IMMP2L: variants seen among roughly 807,000 people sequenced by gnomAD.
The protein encoded by IMMP2L is mitochondrial inner membrane protease subunit 2.
In IMMP2L, 18 loss-of-function variants were observed where a neutral mutation model predicts 19.3. The observed-to-expected ratio is 0.93, with a 90% CI of 0.64 to 1.38. The LOEUF (loss-of-function observed/expected upper bound fraction) is 1.38, where lower values mean the gene tolerates loss of function less well. IMMP2L is among the 40% of genes most tolerant of loss of function. The pLI is 0.00. For missense variants in IMMP2L, 233 were observed against 218.2 expected (o/e 1.07, Z -0.43); for synonymous variants, 76 against 73.0 (o/e 1.04, Z -0.21).
intron 3 of IMMP2L, among the ~76,000 whole-genome samples, chr7:111,186,853 C>A (rs931832922): frequency 1.3e-5 from 2 of 151,956 alleles, no homozygotes; most frequent in Non-Finnish European, 2.9e-5. Flanking sequence ...CAGGATGAGA[C>A]AAAGGCAACA....
intron 3 of IMMP2L, among the ~76,000 whole-genome samples, chr7:111,340,098 A>G (rs1374732139): frequency 3.3e-5 from 5 of 151,640 alleles, no homozygotes; most frequent in Non-Finnish European, 7.4e-5. Context: ...GAAAAAATAG[A>G]AAAAAAAAGT....
chr7:111,214,227 G>A (rs1002274373), intron 3 of IMMP2L, among the ~76,000 whole-genome samples: 4 of 149,058 alleles, frequency 2.7e-5, no homozygotes, highest in Non-Finnish European at 5.9e-5. Context: ...TAAAATTAGA[G>A]AAATAAAATC....
intron 3 of IMMP2L, among the ~76,000 whole-genome samples, chr7:111,432,697 T>C (rs148088941): frequency 3.3e-5 from 5 of 151,636 alleles, no homozygotes; most frequent in African/African-American, 4.9e-5. Context: ...CTCAATATCA[T>C]ACTGGAAGTT....
chr7:111,149,683 G>A (rs2129602057), intron 3 of IMMP2L, among the ~76,000 whole-genome samples: 1 of 152,194 alleles, frequency 6.6e-6, no homozygotes, highest in South Asian at 2.1e-4. Flanking sequence ...TCCACGTACA[G>A]ACGGACCCCA....
intron 5 of IMMP2L, among the ~76,000 whole-genome samples, chr7:110,767,288 AGAGATT>A (rs1465044483): frequency 6.6e-6 from 1 of 152,206 alleles, no homozygotes; most frequent in East Asian, 1.9e-4. Flanking sequence ...AGAACCAGAA[AGAGATT>A]TCATGCATGG....
intron 3 of IMMP2L, among the ~76,000 whole-genome samples, chr7:111,271,151 T>C (rs37739): frequency 0.21 from 32,598 of 151,708 alleles, 4,591 homozygotes; most frequent in African/African-American, 0.4. Context: ...TTATAAGGGG[T>C]TTTTCCCCCT....
chr7:111,371,543 T>C (rs939226080), intron 3 of IMMP2L, among the ~76,000 whole-genome samples: 10 of 152,004 alleles, frequency 6.6e-5, no homozygotes, highest in African/African-American at 2.2e-4. Flanking sequence ...GACTATAGCA[T>C]AGGAGTACCA....
At chr7:111,293,816 T>C (rs1385654634) in intron 3 of IMMP2L, among the ~76,000 whole-genome samples, 1 of 151,856 alleles carries the variant, frequency 6.6e-6, no homozygotes, top group Non-Finnish European at 1.5e-5. Flanking sequence ...AATGGGGAAA[T>C]TGAAGCTTAG....
chr7:110,952,726 G>A (rs1817960599), intron 4 of IMMP2L, among the ~76,000 whole-genome samples: 1 of 152,110 alleles, frequency 6.6e-6, no homozygotes, highest in African/African-American at 2.4e-5. Flanking sequence ...TCCTATTTAA[G>A]CTAAGTCAAT....
intron 3 of IMMP2L, among the ~76,000 whole-genome samples, chr7:111,211,645 C>G (rs1049361773): frequency 6.6e-6 from 1 of 152,058 alleles, no homozygotes; most frequent in Non-Finnish European, 1.5e-5. Flanking sequence ...AAATTATCAC[C>G]TGGAAAAAGA....
chr7:110,740,096 C>A (rs570961167), intron 5 of IMMP2L, among the ~76,000 whole-genome samples: 2 of 152,182 alleles, frequency 1.3e-5, no homozygotes, highest in South Asian at 4.1e-4. Flanking sequence ...CATTAAATCC[C>A]TACATCAAAA....
rs116084965 is a variant in IMMP2L at position 111,143,772 on chromosome 7, T to C, written c.240-180207A>G. On this transcript the variant is annotated intron_variant, in intron 3 of 5. Coordinates refer to ENST00000405709, the MANE Select transcript of IMMP2L (RefSeq NM_032549.4). ...GGCCATATGAATCTCAGGATATTTA[T>C]TGTGCTATCTACGTGAGAAAATGCA... Among the ~76,000 whole-genome samples, 402 of 152,268 alleles carry C rather than the reference T, an allele frequency of 2.6e-3. 1 individual carries two copies. The highest frequency in any genetic ancestry group is 9.0e-3 in the African/African-American group (372 of 41,564).
intron 5 of IMMP2L, among the ~76,000 whole-genome samples, chr7:110,833,551 T>A (rs1804166568): frequency 6.6e-6 from 1 of 152,156 alleles, no homozygotes; most frequent in Admixed American, 6.6e-5. Flanking sequence ...TGGCTGATTT[T>A]TAGAGACTTC....
chr7:111,259,668 A>G (rs1296697505), intron 3 of IMMP2L, among the ~76,000 whole-genome samples: 1 of 151,882 alleles, frequency 6.6e-6, no homozygotes, highest in African/African-American at 2.4e-5. Context: ...AATAATAATA[A>G]TAATAAATTA....
intron 5 of IMMP2L, among the ~76,000 whole-genome samples, chr7:110,794,176 T>C (rs1173007708): frequency 6.6e-6 from 1 of 152,142 alleles, no homozygotes; most frequent in African/African-American, 2.4e-5. Flanking sequence ...TGAAAACTTA[T>C]GTCCACACCA....
At chr7:111,375,650 G>A (rs992604332) in intron 3 of IMMP2L, among the ~76,000 whole-genome samples, 7 of 151,842 alleles carry the variant, frequency 4.6e-5, no homozygotes, top group African/African-American at 9.7e-5. Context: ...TCAGCCTCCC[G>A]AGTAGCTAGG....
chr7:111,376,447 T>A (rs1184580862), intron 3 of IMMP2L, among the ~76,000 whole-genome samples: 2 of 152,120 alleles, frequency 1.3e-5, no homozygotes, highest in African/African-American at 4.8e-5. Context: ...CATACACTGC[T>A]GGTGAGAATG....
chr7:111,299,459 T>C (rs1297278453), intron 3 of IMMP2L, among the ~76,000 whole-genome samples: 5 of 151,156 alleles, frequency 3.3e-5, no homozygotes, highest in East Asian at 1.9e-4. Context: ...AAATGCAACA[T>C]AGAATTCAGT....
chr7:111,393,214 C>A (rs942546384), intron 3 of IMMP2L, among the ~76,000 whole-genome samples: 2 of 152,004 alleles, frequency 1.3e-5, no homozygotes, highest in Admixed American at 1.3e-4. Context: ...ACCCTAATAA[C>A]TCAGGAAATT....
Sources: gnomAD v4.1 joint callset for allele counts (sites outside exome capture counted in the v4.1 genomes callset) on GRCh38, gnomAD v4.1.1 for gene constraint, MANE v1.5 for transcripts, NCBI Gene and HGNC (gene_info 2026-07-23, HGNC 2026-07-21) for gene names.